RBFOX1: variants seen among roughly 807,000 people sequenced by gnomAD.
RBFOX1 encodes the protein RNA binding protein fox-1 homolog 1.
A neutral mutation model predicts 57.7 loss-of-function variants in RBFOX1; 8 were observed. That is an observed-to-expected ratio of 0.14 (90% CI 0.08 to 0.25). RBFOX1 has a LOEUF of 0.25. RBFOX1 is among the 10% of genes least tolerant of loss of function. The pLI is 1.00. For synonymous variants in RBFOX1, 326 were observed against 222.4 expected, an observed-to-expected ratio of 1.47 and a Z score of -4.15; for missense variants, 611 against 548.5, an observed-to-expected ratio of 1.11 and a Z score of -1.14.
chr16:7,221,088 A>G (rs1362560291), intron 4 of RBFOX1, among the ~76,000 whole-genome samples: 2 of 152,094 alleles, frequency 1.3e-5, no homozygotes, highest in East Asian at 3.9e-4. Flanking sequence ...AGCCAGGTTG[A>G]TGTGACTAAA....
intron 4 of RBFOX1, among the ~76,000 whole-genome samples, chr16:7,083,883 C>G (rs530194392): frequency 2.6e-5 from 4 of 152,226 alleles, no homozygotes; most frequent in Admixed American, 1.3e-4. Flanking sequence ...AATGGTGACT[C>G]TGTGGTGAAG....
chr16:7,093,520 C>T (rs1402788598), intron 4 of RBFOX1, among the ~76,000 whole-genome samples: 4 of 152,158 alleles, frequency 2.6e-5, no homozygotes, highest in Admixed American at 2.6e-4. Context: ...CAGAGGTACC[C>T]ACTTATCCAG....
At chr16:5,313,853 C>T (rs955203571) in intron 1 of RBFOX1, among the ~76,000 whole-genome samples, 37 of 152,078 alleles carry the variant, frequency 2.4e-4, no homozygotes, top group African/African-American at 8.4e-4. Flanking sequence ...ATTGGGGACA[C>T]AGCCAAACCA....
chr16:7,198,883 G>C (rs1293511552), intron 4 of RBFOX1, among the ~76,000 whole-genome samples: 1 of 152,180 alleles, frequency 6.6e-6, no homozygotes, highest in Admixed American at 6.5e-5. Context: ...ATATAGTGTT[G>C]GTTCCCAGGC....
intron 1 of RBFOX1, among the ~76,000 whole-genome samples, chr16:6,179,970 C>G (rs555007963): frequency 3.3e-5 from 5 of 152,250 alleles, no homozygotes; most frequent in Non-Finnish European, 7.4e-5. Flanking sequence ...TTTTCTGCAT[C>G]TGTTGAGATG....
intron 1 of RBFOX1, among the ~76,000 whole-genome samples, chr16:5,462,448 G>C (rs555868044): frequency 6.6e-6 from 1 of 152,038 alleles, no homozygotes; most frequent in Non-Finnish European, 1.5e-5. Flanking sequence ...GATTACAGGC[G>C]TGAGCCACCG....
At chr16:5,750,959 G>T (rs2053177130) in intron 3 of RBFOX1, among the ~76,000 whole-genome samples, 2 of 152,312 alleles carry the variant, frequency 1.3e-5, no homozygotes, top group South Asian at 4.1e-4. Flanking sequence ...GCTCACGCTG[G>T]GAGCTGTAGA....
chr16:6,017,819 A>C (rs146848493), upstream of RBFOX1, among the ~76,000 whole-genome samples: 3 of 152,198 alleles, frequency 2.0e-5, no homozygotes, highest in South Asian at 2.1e-4. Flanking sequence ...ATACACGTAC[A>C]TCTAGTACAA....
intron 4 of RBFOX1, among the ~76,000 whole-genome samples, chr16:7,397,493 A>C (rs2098161502): frequency 6.6e-6 from 1 of 152,194 alleles, no homozygotes; most frequent in African/African-American, 2.4e-5. Context: ...ATCCACATAA[A>C]AATGAAAAGA....
chr16:5,558,710 G>T (rs1318200673), intron 2 of RBFOX1, among the ~76,000 whole-genome samples: 1 of 152,134 alleles, frequency 6.6e-6, no homozygotes, highest in South Asian at 2.1e-4. Context: ...CCCTGAGACT[G>T]TCAGCCCCCT....
chr16:6,862,438 G>A (rs2059182660), intron 3 of RBFOX1, among the ~76,000 whole-genome samples: 1 of 152,168 alleles, frequency 6.6e-6, no homozygotes, highest in Non-Finnish European at 1.5e-5. Context: ...TCGGTGCTAT[G>A]GGGATGCAAT....
At chr16:7,124,715 C>G (rs1208080292) in intron 4 of RBFOX1, among the ~76,000 whole-genome samples, 1 of 151,908 alleles carries the variant, frequency 6.6e-6, no homozygotes, top group Non-Finnish European at 1.5e-5. Context: ...CAAAAAGACT[C>G]TATATCACAT....
intron 3 of RBFOX1, among the ~76,000 whole-genome samples, chr16:6,780,432 A>ATATATATT (rs1342116081): frequency 7.8e-4 from 39 of 50,292 alleles, no homozygotes; most frequent in African/African-American, 2.3e-3. Flanking sequence ...ATATATATTT[A>ATATATATT]TAGATATATT....
intron 3 of RBFOX1, among the ~76,000 whole-genome samples, chr16:6,824,890 G>A (rs1365976074): frequency 2.7e-5 from 4 of 148,062 alleles, no homozygotes; most frequent in Non-Finnish European, 5.9e-5. Context: ...AAGTGGTATT[G>A]TTGGGTTCCT....
chr16:6,625,926 G>A (rs547249992), intron 2 of RBFOX1, among the ~76,000 whole-genome samples: 5 of 152,234 alleles, frequency 3.3e-5, no homozygotes, highest in Admixed American at 6.5e-5. Flanking sequence ...TAAAGTTTAC[G>A]TTATCAGATA....
In RBFOX1 at chr16:7,675,692, C is replaced by T. The variant is rs573846336; in HGVS notation, c.931-1082C>T. Among the ~76,000 whole-genome samples, 9 of 151,996 alleles carry T rather than the reference C, an allele frequency of 5.9e-5. No individual in the cohort carries two copies. The South Asian group carries it at 1.7e-3, about 28-fold the overall frequency. On this transcript the variant is annotated intron_variant, in intron 13 of 15. Coordinates refer to ENST00000550418, the MANE Select transcript of RBFOX1 (RefSeq NM_018723.4). ...GTTTCATGAAGCCAAATGCCATGAA[C>T]CTACCTTTCCCTCTCATGATTCTGC...
intron 3 of RBFOX1, among the ~76,000 whole-genome samples, chr16:6,973,208 G>A (rs539322984): frequency 1.5e-4 from 23 of 151,754 alleles, no homozygotes; most frequent in African/African-American, 4.6e-4. Context: ...TGGGGGGCGG[G>A]GTTGGAGGAT....
In RBFOX1 at chr16:5,712,937, C is replaced by T. The variant is rs1019978120; in HGVS notation, c.318+113976C>T. On this transcript the variant is annotated intron_variant, in intron 3 of 19. Transcript: ENST00000641259. ...GTTTTTCCATGGAGATTGAACCCAG[C>T]TCCAAATGCTGTATCATGATTGGTC... Among the ~76,000 whole-genome samples the T allele has an allele frequency of 5.9e-5, 9 of 151,576 alleles. 1 individual carries two copies. The South Asian group carries it at 1.9e-3, about 32-fold the overall frequency.
chr16:6,611,115 A>G (rs1373493276), intron 2 of RBFOX1, among the ~76,000 whole-genome samples: 1 of 152,182 alleles, frequency 6.6e-6, no homozygotes, highest in Non-Finnish European at 1.5e-5. Flanking sequence ...ATGGTTGGAG[A>G]TGACAAAGTG....
Sources: allele counts gnomAD v4.1 joint callset (sites outside exome capture counted in the v4.1 genomes callset), GRCh38; gene constraint gnomAD v4.1.1; transcripts MANE v1.5; gene names NCBI Gene and HGNC (gene_info 2026-07-23, HGNC 2026-07-21).